MRPS9: variants seen among roughly 807,000 people sequenced by gnomAD.
The protein encoded by MRPS9 is small ribosomal subunit protein uS9m.
In MRPS9, 45 loss-of-function variants were observed where a neutral mutation model predicts 59.9. The observed-to-expected ratio is 0.75, with a 90% CI of 0.59 to 0.96. MRPS9 has a LOEUF of 0.96. MRPS9 is among the 40% of genes least tolerant of loss of function. MRPS9 has a pLI of 0.00. For missense variants in MRPS9, 473 were observed against 481.1 expected, an observed-to-expected ratio of 0.98 and a Z score of 0.16; for synonymous variants, 171 against 166.8, an observed-to-expected ratio of 1.03 and a Z score of -0.19.
At chr2:105,077,252 A>AAAAAAAAAAAAAT (rs1680231070) in intron 4 of MRPS9, among the ~76,000 whole-genome samples, 1 of 151,950 alleles carries the variant, frequency 6.6e-6, no homozygotes, top group Non-Finnish European at 1.5e-5. Context: ...CTCAAAAAAA[A>AAAAAAAAAAAAAT]AAAAGAAGAA....
chr2:105,047,710 A>G (rs1679618693), intron 1 of MRPS9, among the ~76,000 whole-genome samples: 1 of 152,084 alleles, frequency 6.6e-6, no homozygotes, highest in African/African-American at 2.4e-5. Context: ...ATTTCCAGCT[A>G]CGGGATGCAG....
chr2:105,077,601 G>C lies in MRPS9; in HGVS notation c.410-2382G>C, dbSNP rs139447167. Among the ~76,000 whole-genome samples the C allele has an allele frequency of 3.3e-3, 495 of 152,282 alleles. 3 individuals are homozygous for C. Among genetic ancestry groups the C allele is most frequent in the African/African-American group, 0.011 (469 of 41,560 alleles). ...CATAGGTAAATGCACAGAGAGTCCA[G>C]AACAATAAACTCCCGCCTTGTTCTG... is the stretch of plus-strand genomic sequence containing the variant. On this transcript the variant is annotated intron_variant, in intron 4 of 10. Coordinates refer to ENST00000258455, the MANE Select transcript of MRPS9 (RefSeq NM_182640.3).
chr2:105,069,103 T>C (rs1274311212), intron 2 of MRPS9, among the ~76,000 whole-genome samples: 1 of 152,204 alleles, frequency 6.6e-6, no homozygotes, highest in Admixed American at 6.5e-5. Context: ...GTCAGACTTT[T>C]GAACTTTTGC....
At chr2:105,039,123 G>A (rs1679449787) in intron 1 of MRPS9, among the ~76,000 whole-genome samples, 1 of 152,006 alleles carries the variant, frequency 6.6e-6, no homozygotes, top group African/African-American at 2.4e-5. Context: ...AGAGAAACCA[G>A]CCAGTGTGGT....
rs1328049999 is a variant in MRPS9 at position 105,088,964 on chromosome 2, G to C, written c.490-20G>C. ...ATTGCTCTTATTTTTAGCATGTACT[G>C]TATATTTTGTTTGCCATAGGATGTA... On this transcript the variant is annotated intron_variant, in intron 5 of 10. Coordinates refer to ENST00000258455, the MANE Select transcript of MRPS9 (RefSeq NM_182640.3). The C allele has an allele frequency of 6.5e-7, 1 of 1,533,748 alleles. No individual in the cohort carries two copies. Among genetic ancestry groups the C allele is most frequent in the African/African-American group, 1.4e-5 (1 of 73,026 alleles).
At chr2:105,072,654 A>G (rs185827568) in intron 4 of MRPS9, among the ~76,000 whole-genome samples, 87 of 152,346 alleles carry the variant, frequency 5.7e-4, no homozygotes, top group African/African-American at 2.0e-3. Context: ...CAGGTTCTCA[A>G]TACGCAGGCC....
At chr2:105,056,765 G>C (rs1027299762) in intron 2 of MRPS9, among the ~76,000 whole-genome samples, 1 of 152,130 alleles carries the variant, frequency 6.6e-6, no homozygotes, top group African/African-American at 2.4e-5. Flanking sequence ...ATTACACCTA[G>C]CTAATGTAAT....
Position 105,097,191 on chromosome 2 carries a change from G to T in MRPS9, c.966G>T (p.Arg322=). The T allele has an allele frequency of 6.3e-7, 1 of 1,599,828 alleles. No individual in the cohort carries two copies. The highest frequency in any genetic ancestry group is 8.5e-7 in the Non-Finnish European group (1 of 1,173,608). The part of the protein sequence containing the change: ...QLMFPFHFVD[R]LGKHDVTCTV... The stretch of plus-strand genomic sequence containing the variant: ...TGTTCCCTTTCCACTTTGTTGACCG[G>T]CTGGGAAAGCACGACGTGACCTGCA... Residue 322 remains arginine (R), a synonymous_variant, in exon 10 of 11, where the codon CGG becomes CGT. Transcript: ENST00000258455.
chr2:105,070,501 G>A (rs1222963954), intron 2 of MRPS9, among the ~76,000 whole-genome samples: 1 of 152,140 alleles, frequency 6.6e-6, no homozygotes, highest in African/African-American at 2.4e-5. Flanking sequence ...GTATTTAAAT[G>A]CACTACTGGA....
At chr2:105,092,655 C>T in intron 8 of MRPS9, 86 bp downstream of exon 8, 1 of 1,165,402 alleles carries the variant, frequency 8.6e-7, no homozygotes, top group East Asian at 2.5e-5. Flanking sequence ...TTCTGGTATC[C>T]ATTAGATTTT....
Position 105,088,198 on chromosome 2 carries a change from A to T in MRPS9, c.490-786A>T, listed in dbSNP as rs1051706615. The stretch of plus-strand genomic sequence containing the variant: ...TCATTGGGTATTAGTATGGTAGGTT[A>T]TGTGTAAATTATAAATGAATAAATA... On this transcript the variant is annotated intron_variant, in intron 5 of 10. Transcript: ENST00000258455. Among the ~76,000 whole-genome samples the T allele has an allele frequency of 9.9e-5, 15 of 152,002 alleles. 2 individuals carry two copies. The highest frequency in any genetic ancestry group is 9.2e-4 in the Admixed American group (14 of 15,254).
At chr2:105,076,109 T>C (rs1680206326) in intron 4 of MRPS9, among the ~76,000 whole-genome samples, 1 of 152,208 alleles carries the variant, frequency 6.6e-6, no homozygotes, top group Admixed American at 6.5e-5. Flanking sequence ...ATAGAAAACA[T>C]TCACTAAAAA....
chr2:105,079,653 C>G (rs1459592228), intron 4 of MRPS9, among the ~76,000 whole-genome samples: 1 of 151,928 alleles, frequency 6.6e-6, no homozygotes, highest in Non-Finnish European at 1.5e-5. Context: ...TGTTTATGGC[C>G]AAACCTAAAT....
chr2:105,096,470 C>T lies in MRPS9; in HGVS notation c.930-685C>T, dbSNP rs535651490. Reference sequence around the variant, plus strand: ...AGTTGAGCAGGAGAAAGTCCAGGGCCGTGTTTTGTCTGTGGTGCCTGCCCC... The same window carrying T: ...AGTTGAGCAGGAGAAAGTCCAGGGCTGTGTTTTGTCTGTGGTGCCTGCCCC... On this transcript the variant is annotated intron_variant, in intron 9 of 10. Coordinates refer to ENST00000258455, the MANE Select transcript of MRPS9 (RefSeq NM_182640.3). Among the ~76,000 whole-genome samples, 6 of 152,102 alleles carry T rather than the reference C, an allele frequency of 3.9e-5. No homozygotes were observed. In the South Asian group the frequency reaches 8.3e-4, roughly 21 times the overall value.
At chr2:105,067,771 C>T (rs920145290) in intron 2 of MRPS9, among the ~76,000 whole-genome samples, 2 of 151,650 alleles carry the variant, frequency 1.3e-5, no homozygotes, top group African/African-American at 2.4e-5. Flanking sequence ...TACATGTGTG[C>T]GTGTGCATGC....
At chr2:105,038,261 C>T (rs1679426961) in intron 1 of MRPS9, 34 bp downstream of exon 1, 4 of 1,592,570 alleles carry the variant, frequency 2.5e-6, no homozygotes, top group East Asian at 4.6e-5. Context: ...CGGCTTACCT[C>T]TGCCGCGCGA....
chr2:105,052,351 G>T (rs1679727494), intron 2 of MRPS9, among the ~76,000 whole-genome samples: 1 of 152,078 alleles, frequency 6.6e-6, no homozygotes, highest in South Asian at 2.1e-4. Flanking sequence ...TCACGAAATG[G>T]TATTGGATAT....
At chr2:105,042,653 T>A (rs997865353) in intron 1 of MRPS9, among the ~76,000 whole-genome samples, 2 of 152,232 alleles carry the variant, frequency 1.3e-5, no homozygotes, top group Admixed American at 6.5e-5. Flanking sequence ...TTTTGTCAGA[T>A]AGGATTATTA....
At chr2:105,072,580 AT>A (rs1159530390) in intron 4 of MRPS9, among the ~76,000 whole-genome samples, 2 of 152,216 alleles carry the variant, frequency 1.3e-5, no homozygotes, top group African/African-American at 4.8e-5. Flanking sequence ...AAACATAACT[AT>A]TAGTAAGCAT....
Sources: gnomAD v4.1 joint callset for allele counts (sites outside exome capture counted in the v4.1 genomes callset) on GRCh38, gnomAD v4.1.1 for gene constraint, MANE v1.5 for transcripts, NCBI Gene and HGNC (gene_info 2026-07-23, HGNC 2026-07-21) for gene names.